GREB1L: variants seen among roughly 807,000 people sequenced by gnomAD.
The protein encoded by GREB1L is GREB1 like retinoic acid receptor coactivator.
A neutral mutation model predicts 200.8 loss-of-function variants in GREB1L; 17 were observed. The ratio of observed to expected loss-of-function variants is 0.08; its 90% CI spans 0.06 to 0.13. The LOEUF (loss-of-function observed/expected upper bound fraction) is 0.13, where lower values mean the gene tolerates loss of function less well. Ranked by LOEUF, GREB1L falls within the 10% of genes least tolerant of loss-of-function variation. The pLI, the probability that GREB1L is intolerant of heterozygous loss-of-function variation, is 1.00. For missense variants in GREB1L, 1,657 were observed against 2,367.7 expected (o/e 0.70, Z 6.23); for synonymous variants, 789 against 893.0 (o/e 0.88, Z 2.08).
intron 15 of GREB1L, among the ~76,000 whole-genome samples, chr18:21,466,792 C>G (rs1311950046): frequency 2.0e-5 from 3 of 152,048 alleles, no homozygotes; most frequent in Non-Finnish European, 4.4e-5. Context: ...CCCAGCATAC[C>G]CAAAACATTA....
chr18:21,358,388 T>G (rs2039535372), intron 1 of GREB1L, among the ~76,000 whole-genome samples: 1 of 152,168 alleles, frequency 6.6e-6, no homozygotes, highest in Non-Finnish European at 1.5e-5. Flanking sequence ...AGATCTCAGC[T>G]CGCTGCAAGC....
chr18:21,298,121 T>A (rs2038559490), intron 1 of GREB1L, among the ~76,000 whole-genome samples: 1 of 152,172 alleles, frequency 6.6e-6, no homozygotes, highest in South Asian at 2.1e-4. Context: ...GATTGTTTTA[T>A]TTGGAAATAA....
intron 1 of GREB1L, among the ~76,000 whole-genome samples, chr18:21,254,017 C>T (rs1488278435): frequency 7.2e-6 from 1 of 138,634 alleles, no homozygotes; most frequent in Non-Finnish European, 1.5e-5. Context: ...CAAAAACTTT[C>T]TGTGGAGATA....
chr18:21,460,438 C>T (rs1281711434), intron 15 of GREB1L, among the ~76,000 whole-genome samples: 2 of 152,106 alleles, frequency 1.3e-5, no homozygotes, highest in African/African-American at 4.8e-5. Context: ...CTCCGCCTCC[C>T]GGGTTCAAGC....
At chr18:21,322,128 C>T (rs2038960196) in intron 1 of GREB1L, among the ~76,000 whole-genome samples, 2 of 152,092 alleles carry the variant, frequency 1.3e-5, no homozygotes, top group Admixed American at 6.5e-5. Context: ...AAGCAGAATT[C>T]AGAAGGTGGC....
chr18:21,468,316 A>G (rs991061913), intron 15 of GREB1L, among the ~76,000 whole-genome samples: 1 of 152,210 alleles, frequency 6.6e-6, no homozygotes, highest in Admixed American at 6.5e-5. Context: ...TCCCACTTGC[A>G]TGAAATGTCT....
chr18:21,471,213 A>C (rs941994563), intron 15 of GREB1L, among the ~76,000 whole-genome samples: 5 of 152,194 alleles, frequency 3.3e-5, no homozygotes, highest in South Asian at 4.1e-4. Context: ...GCAAACTCTT[A>C]ATTATCAATA....
intron 23 of GREB1L, among the ~76,000 whole-genome samples, chr18:21,503,892 T>C (rs2036905121): frequency 6.8e-6 from 1 of 147,262 alleles, no homozygotes; most frequent in Admixed American, 6.8e-5. Context: ...ATAAAAAATA[T>C]CTGTTAGACA....
At chr18:21,415,856 A>AT (rs1355476481) in intron 7 of GREB1L, among the ~76,000 whole-genome samples, 1 of 152,224 alleles carries the variant, frequency 6.6e-6, no homozygotes, top group African/African-American at 2.4e-5. Context: ...TTTCCAAATA[A>AT]TTTAACTGTA....
intron 7 of GREB1L, among the ~76,000 whole-genome samples, chr18:21,435,452 G>A (rs1354537033): frequency 5.3e-5 from 8 of 152,178 alleles, no homozygotes; most frequent in Non-Finnish European, 1.0e-4. Context: ...TCAGTGTACT[G>A]TAGCAAATAT....
chr18:21,337,126 CA>C (rs1253743189), intron 1 of GREB1L, among the ~76,000 whole-genome samples: 1 of 151,988 alleles, frequency 6.6e-6, no homozygotes, highest in African/African-American at 2.4e-5. Flanking sequence ...ATGCAGGATC[CA>C]GTGATGATTA....
intron 22 of GREB1L, 93 bp downstream of exon 22, chr18:21,500,399 A>C: frequency 2.4e-6 from 2 of 820,380 alleles, no homozygotes; most frequent in South Asian, 3.0e-5. Context: ...GGGGTGGAGC[A>C]GGTGTGACAG....
At chr18:21,267,528 C>T (rs1471021865) in intron 1 of GREB1L, among the ~76,000 whole-genome samples, 1 of 152,096 alleles carries the variant, frequency 6.6e-6, no homozygotes, top group Non-Finnish European at 1.5e-5. Flanking sequence ...CCCACCTCCC[C>T]ATTACATCAT....
At chr18:21,376,414 G>T (rs1235228765) in intron 2 of GREB1L, among the ~76,000 whole-genome samples, 1 of 147,700 alleles carries the variant, frequency 6.8e-6, no homozygotes, top group Non-Finnish European at 1.5e-5. Flanking sequence ...GAGCCACCTG[G>T]CCTATTTTTA....
At chr18:21,284,050 A>G (rs1468528871) in intron 1 of GREB1L, among the ~76,000 whole-genome samples, 3 of 152,272 alleles carry the variant, frequency 2.0e-5, no homozygotes, top group African/African-American at 4.8e-5. Flanking sequence ...AGGAAGCCCA[A>G]TGTTAGGGGC....
At chr18:21,365,134 G>T (rs930393790) in intron 1 of GREB1L, among the ~76,000 whole-genome samples, 1 of 150,848 alleles carries the variant, frequency 6.6e-6, no homozygotes, top group East Asian at 1.9e-4. Flanking sequence ...CTTTCAAGTC[G>T]GCATAAGAGA....
At chr18:21,376,527 G>A (rs1351414692) in intron 2 of GREB1L, among the ~76,000 whole-genome samples, 2 of 151,596 alleles carry the variant, frequency 1.3e-5, no homozygotes, top group African/African-American at 4.8e-5. Flanking sequence ...AGACAGGGCC[G>A]GGCGCAGTGG....
chr18:21,449,938 TC>T, intron 12 of GREB1L, 102 bp downstream of exon 12: 1 of 875,810 alleles, frequency 1.1e-6, no homozygotes, highest in Non-Finnish European at 1.7e-6. Context: ...ATAATCAACC[TC>T]TGATTAATTG....
intron 16 of GREB1L, among the ~76,000 whole-genome samples, chr18:21,475,320 G>GT (rs1375998650): frequency 1.3e-5 from 2 of 151,714 alleles, no homozygotes; most frequent in Non-Finnish European, 2.9e-5. Flanking sequence ...AGCTTCCCCA[G>GT]TTTCCCAGTT....
Sources: allele counts gnomAD v4.1 joint callset (sites outside exome capture counted in the v4.1 genomes callset), GRCh38; gene constraint gnomAD v4.1.1; transcripts MANE v1.5; gene names NCBI Gene and HGNC (gene_info 2026-07-23, HGNC 2026-07-21).